PALM2AKAP2: variants seen among roughly 807,000 people sequenced by gnomAD.
PALM2AKAP2 encodes the protein PALM2 and AKAP2 fusion, also known as PALM2-AKAP2 fusion protein.
Under a neutral mutation model 71.5 loss-of-function variants are expected in PALM2AKAP2, and 37 were observed. That is an observed-to-expected ratio of 0.52 (90% confidence interval 0.40 to 0.68). PALM2AKAP2 has a LOEUF of 0.68. PALM2AKAP2 is among the 30% of genes least tolerant of loss of function. PALM2AKAP2 has a pLI of 0.00. For missense variants in PALM2AKAP2, 1,224 were observed against 1,191.8 expected, an observed-to-expected ratio of 1.03 and a Z score of -0.40; for synonymous variants, 468 against 478.8, an observed-to-expected ratio of 0.98 and a Z score of 0.29.
intron 7 of PALM2AKAP2, among the ~76,000 whole-genome samples, chr9:110,038,894 T>C (rs1476534642): frequency 3.0e-5 from 2 of 65,782 alleles, no homozygotes; most frequent in African/African-American, 1.9e-4. Flanking sequence ...TGAGCCGCGA[T>C]TGTGCCACTC....
intron 1 of PALM2AKAP2, among the ~76,000 whole-genome samples, chr9:110,076,939 A>T (rs1341308154): frequency 6.6e-6 from 1 of 152,200 alleles, no homozygotes; most frequent in African/African-American, 2.4e-5. Context: ...AACCTGTAGC[A>T]CATGAAGGAG....
intron 7 of PALM2AKAP2, among the ~76,000 whole-genome samples, chr9:110,020,394 C>T (rs546499879): frequency 6.6e-6 from 1 of 152,242 alleles, no homozygotes; most frequent in East Asian, 1.9e-4. Flanking sequence ...AATTAAACCT[C>T]TCTTCTGGCT....
chr9:110,138,052 G>A (rs200592101), exon 2 of PALM2AKAP2: 669 of 1,607,256 alleles, frequency 4.2e-4, no homozygotes, highest in Non-Finnish European at 5.3e-4. Flanking sequence ...GACCTGAAGC[G>A]ACTGTAGAGG....
intron 3 of PALM2AKAP2, 114 bp downstream of exon 9, chr9:110,156,611 T>C (rs1322250962): frequency 7.5e-7 from 1 of 1,330,662 alleles, no homozygotes; most frequent in Non-Finnish European, 9.8e-7. Context: ...GCATTAGGGT[T>C]CCAGTATCAG....
chr9:109,887,459 A>ATAGCAT (rs1180736491), intron 3 of PALM2AKAP2, among the ~76,000 whole-genome samples: 1 of 152,212 alleles, frequency 6.6e-6, no homozygotes, highest in Non-Finnish European at 1.5e-5. Context: ...GTTTCCTTCC[A>ATAGCAT]AAATAAAACT....
intron 1 of PALM2AKAP2, among the ~76,000 whole-genome samples, chr9:109,782,791 A>G (rs1826855590): frequency 1.3e-5 from 2 of 149,744 alleles, no homozygotes; most frequent in South Asian, 4.3e-4. Flanking sequence ...TGTGTGTGAG[A>G]GAGAGAGCCA....
chr9:109,832,883 G>C (rs921162406), intron 1 of PALM2AKAP2, among the ~76,000 whole-genome samples: 1 of 152,134 alleles, frequency 6.6e-6, no homozygotes, highest in Non-Finnish European at 1.5e-5. Context: ...TGAACACTTC[G>C]GGCACTAACT....
At chr9:109,862,893 G>A (rs776686666) in intron 1 of PALM2AKAP2, 36 of 513,954 alleles carry the variant, frequency 7.0e-5, no homozygotes, top group African/African-American at 5.8e-4. Context: ...TGAACCAGCC[G>A]GGAAGATCAG....
chr9:109,758,781 G>C (rs959431153), intron 1 of PALM2AKAP2, among the ~76,000 whole-genome samples: 1 of 152,010 alleles, frequency 6.6e-6, no homozygotes, highest in African/African-American at 2.4e-5. Context: ...AAGTAAAAGG[G>C]TGGGGATCAG....
intron 1 of PALM2AKAP2, among the ~76,000 whole-genome samples, chr9:109,646,705 C>G (rs909811798): frequency 2.0e-4 from 30 of 152,284 alleles, no homozygotes; most frequent in African/African-American, 7.2e-4. Flanking sequence ...ATGTATGAAG[C>G]ACTGTGATAG....
At chr9:109,999,674 G>A (rs77227454) in intron 6 of PALM2AKAP2, among the ~76,000 whole-genome samples, 1 of 152,220 alleles carries the variant, frequency 6.6e-6, no homozygotes, top group South Asian at 2.1e-4. Flanking sequence ...GGTGCTTTGC[G>A]TGGAGAACGG....
intron 1 of PALM2AKAP2, among the ~76,000 whole-genome samples, chr9:109,800,736 TTTG>T (rs1443956831): frequency 6.6e-6 from 1 of 152,150 alleles, no homozygotes; most frequent in African/African-American, 2.4e-5. Flanking sequence ...TCTACAGGGG[TTTG>T]TTGTTGTTTA....
intron 1 of PALM2AKAP2, among the ~76,000 whole-genome samples, chr9:109,688,844 A>T (rs1564113545): frequency 6.6e-6 from 1 of 152,220 alleles, no homozygotes; most frequent in Non-Finnish European, 1.5e-5. Context: ...TAGGCCCTGT[A>T]GAGAAGATAA....
intron 1 of PALM2AKAP2, among the ~76,000 whole-genome samples, chr9:109,807,099 A>G (rs1827596030): frequency 6.6e-6 from 1 of 151,438 alleles, no homozygotes; most frequent in South Asian, 2.1e-4. Context: ...TTGATAGTAT[A>G]GTTCAGGGGA....
chr9:109,715,678 G>A (rs149938984), intron 1 of PALM2AKAP2, among the ~76,000 whole-genome samples: 12 of 152,294 alleles, frequency 7.9e-5, no homozygotes, highest in African/African-American at 2.9e-4. Flanking sequence ...GTTAAAAAAG[G>A]ATCTCCTTCT....
chr9:110,137,670 T>C (rs756661787), exon 2 of PALM2AKAP2: 1 of 1,614,022 alleles, frequency 6.2e-7, no homozygotes, highest in Admixed American at 1.7e-5. Context: ...CTGGACGAAT[T>C]GTCGGTGAGG....
intron 1 of PALM2AKAP2, among the ~76,000 whole-genome samples, chr9:109,766,402 G>A (rs533783742): frequency 1.3e-5 from 2 of 152,312 alleles, no homozygotes; most frequent in South Asian, 4.2e-4. Flanking sequence ...AGGGGTAGAA[G>A]ATTAAAATGG....
intron 3 of PALM2AKAP2, among the ~76,000 whole-genome samples, chr9:109,886,903 G>A (rs180974808): frequency 3.3e-5 from 5 of 152,324 alleles, no homozygotes; most frequent in Admixed American, 3.3e-4. Context: ...CATCAGAACA[G>A]CTGTCTGTTC....
intron 1 of PALM2AKAP2, among the ~76,000 whole-genome samples, chr9:110,054,044 A>C (rs1833776700): frequency 6.6e-6 from 1 of 152,248 alleles, no homozygotes; most frequent in East Asian, 1.9e-4. Context: ...TGCCTCAGCC[A>C]AGTTCTCTGT....
Sources: gnomAD v4.1 joint callset for allele counts (sites outside exome capture counted in the v4.1 genomes callset) on GRCh38, gnomAD v4.1.1 for gene constraint, MANE v1.5 for transcripts, NCBI Gene and HGNC (gene_info 2026-07-23, HGNC 2026-07-21) for gene names.